The following CRISP2 variants were observed in gnomAD, a reference collection of about 807,000 sequenced individuals.
CRISP2 encodes the protein cysteine-rich secretory protein 2.
In CRISP2, 29 loss-of-function variants were observed where a neutral mutation model predicts 31.7. The ratio of observed to expected loss-of-function variants is 0.92; its 90% CI spans 0.68 to 1.25. The LOEUF is 1.25. Among genes scored for constraint, CRISP2 ranks in the 50% most tolerant of loss-of-function variants. CRISP2 has a pLI of 0.00. For missense variants in CRISP2, 318 were observed against 286.5 expected (o/e 1.11, Z -0.79); for synonymous variants, 111 against 101.4 (o/e 1.09, Z -0.57).
At chr6:49,679,502 A>T in the CRISP2 span, among the ~76,000 whole-genome samples, 470 of 152,270 alleles carry the variant, frequency 3.1e-3, 1 homozygote, top group African/African-American at 0.011. Flanking sequence ...AATTTTATTC[A>T]GCTCACAATA....
At chr6:49,691,098 A>C (rs1561855717), downstream of CRISP2, among the ~76,000 whole-genome samples, 1 of 152,008 alleles carries the variant, frequency 6.6e-6, no homozygotes, top group Non-Finnish European at 1.5e-5. Context: ...TCTTCCACCC[A>C]CAAAGCTAAC....
intron 2 of CRISP2, 75 bp from the exon 3 acceptor site, chr6:49,711,396 T>C (rs1767989051): frequency 6.6e-6 from 1 of 152,218 alleles, no homozygotes; most frequent in Admixed American, 6.5e-5. Flanking sequence ...CAAACTCTGG[T>C]TTTGTTAAAT....
In CRISP2 at chr6:49,709,118, A is replaced by G. The variant is rs1316164377; in HGVS notation, c.66+13T>C. Reference sequence around the variant, plus strand: ...CTGGATAGCTCTGAAAAGATTTTCCATTTTAACCTTACCTTTCCTTCTGCA... The same window carrying G: ...CTGGATAGCTCTGAAAAGATTTTCCGTTTTAACCTTACCTTTCCTTCTGCA... On this transcript the variant is annotated intron_variant, in intron 4 of 9. Coordinates refer to ENST00000339139, the MANE Select transcript of CRISP2 (RefSeq NM_003296.4). The G allele has an allele frequency of 6.2e-7, 1 of 1,612,976 alleles. No individual in the cohort carries two copies. Among genetic ancestry groups the G allele is most frequent in the Admixed American group, 1.7e-5 (1 of 60,002 alleles).
At chr6:49,684,662 A>G in the CRISP2 span, among the ~76,000 whole-genome samples, 1 of 152,210 alleles carries the variant, frequency 6.6e-6, no homozygotes, top group Non-Finnish European at 1.5e-5. Flanking sequence ...TTAATTTGAA[A>G]TAAATCAATA....
chr6:49,691,214 T>C (rs1382264207), downstream of CRISP2, among the ~76,000 whole-genome samples: 1 of 152,068 alleles, frequency 6.6e-6, no homozygotes, highest in Admixed American at 6.6e-5. Flanking sequence ...ATATTCTGTT[T>C]GCTTCTCTCT....
At chr6:49,706,061 A>G (rs778106799) in intron 4 of CRISP2, among the ~76,000 whole-genome samples, 1 of 152,202 alleles carries the variant, frequency 6.6e-6, no homozygotes, top group African/African-American at 2.4e-5. Flanking sequence ...CCTATCTGCC[A>G]TTTCCCCCAG....
Position 49,698,509 on chromosome 6 carries a change from T to G in CRISP2, c.272-2A>C. 6.2e-7 allele frequency: 1 copy of G among 1,602,848 alleles called. No homozygotes were observed. Among genetic ancestry groups the G allele is most frequent in the Non-Finnish European group, 8.5e-7 (1 of 1,176,924 alleles). On this transcript the variant is annotated splice_acceptor_variant, in intron 6 of 9. Transcript: ENST00000339139. LOFTEE classifies it high-confidence loss of function. ...AGAGATTCTCACCACATCTTGTACC[T>G]AAGGGGCAGATCATTCATGAGCAAG...
intron 6 of CRISP2, among the ~76,000 whole-genome samples, 189 bp downstream of exon 6, chr6:49,699,615 T>A (rs116770143): frequency 5.9e-5 from 9 of 152,122 alleles, no homozygotes; most frequent in African/African-American, 2.2e-4. Context: ...TTGCATAATG[T>A]ACACAATAAA....
chr6:49,679,907 T>C, the CRISP2 span, among the ~76,000 whole-genome samples: 2 of 152,070 alleles, frequency 1.3e-5, no homozygotes, highest in African/African-American at 2.4e-5. Flanking sequence ...GTTTTCACGA[T>C]GTTGGTCAGG....
At chr6:49,700,976 A>G (rs1033944414) in intron 4 of CRISP2, among the ~76,000 whole-genome samples, 192 bp from the exon 5 acceptor site, 1 of 152,128 alleles carries the variant, frequency 6.6e-6, no homozygotes, top group Non-Finnish European at 1.5e-5. Flanking sequence ...ACTAAATCTG[A>G]GTTGAAGATA....
intron 8 of CRISP2, among the ~76,000 whole-genome samples, chr6:49,696,173 T>C (rs1375477477): frequency 2.6e-5 from 4 of 152,138 alleles, no homozygotes; most frequent in African/African-American, 9.6e-5. Context: ...GAGTCTGAAA[T>C]TTTGAGAGTA....
intron 8 of CRISP2, among the ~76,000 whole-genome samples, chr6:49,696,201 C>G (rs756957390): frequency 1.3e-5 from 2 of 151,746 alleles, no homozygotes; most frequent in African/African-American, 4.8e-5. Context: ...TGTGGCAACA[C>G]TATCTTTATC....
At chr6:49,702,000 A>C (rs1412227018) in intron 4 of CRISP2, among the ~76,000 whole-genome samples, 1 of 66,782 alleles carries the variant, frequency 1.5e-5, no homozygotes, top group Non-Finnish European at 2.6e-5. Context: ...AATATATTAT[A>C]TTATACATAT....
chr6:49,684,773 G>A, the CRISP2 span, among the ~76,000 whole-genome samples: 3 of 152,050 alleles, frequency 2.0e-5, no homozygotes, highest in Non-Finnish European at 4.4e-5. Flanking sequence ...GTTTTTATAT[G>A]TGGATGTGTT....
rs371703280 is a variant in CRISP2 at position 49,710,238 on chromosome 6, G to T, written c.-9-1033C>A. 3.4e-4 allele frequency among the ~76,000 whole-genome samples: 51 copies of T among 152,228 alleles called. No homozygotes were observed. The East Asian group carries it at 6.0e-3, about 18-fold the overall frequency. On this transcript the variant is annotated intron_variant, in intron 3 of 9. Coordinates refer to ENST00000339139, the MANE Select transcript of CRISP2 (RefSeq NM_003296.4). The stretch of plus-strand genomic sequence containing the variant: ...AATTATGTGCAAAAAAGGGATGAGG[G>T]ATGAACAATTATTGACGGTTCATGG...
In CRISP2 at chr6:49,713,530, C is replaced by T. The variant is rs2127445673; in HGVS notation, c.-206G>A. 2 of 152,378 alleles carry T rather than the reference C, an allele frequency of 1.3e-5. No individual in the cohort carries two copies. Among genetic ancestry groups the T allele is most frequent in the Middle Eastern group, 3.4e-3 (1 of 294 alleles). 9.4% of individuals were successfully genotyped at this position (152,378 alleles called of 1,614,324 possible). ...CTGCAGTTGGGCCGGCGCGTTGCGG[C>T]GTTGAGGAGCTGCGGCGCGCCCCTC... On this transcript the variant is annotated 5_prime_UTR_variant, in exon 1 of 10. Transcript: ENST00000339139.
chr6:49,711,718 A>G (rs1203744979), intron 2 of CRISP2, among the ~76,000 whole-genome samples: 3 of 152,124 alleles, frequency 2.0e-5, no homozygotes, highest in Non-Finnish European at 4.4e-5. Flanking sequence ...TTTACTTTCT[A>G]ATTATCAACT....
chr6:49,688,852 A>C (rs941865360), downstream of CRISP2, among the ~76,000 whole-genome samples: 3 of 151,818 alleles, frequency 2.0e-5, no homozygotes, highest in African/African-American at 4.8e-5. Flanking sequence ...CTAGATTATG[A>C]TTTTCTCTTT....
intron 9 of CRISP2, among the ~76,000 whole-genome samples, chr6:49,694,358 C>T (rs1764379313): frequency 6.6e-6 from 1 of 152,166 alleles, no homozygotes; most frequent in Non-Finnish European, 1.5e-5. Flanking sequence ...TTTTAGTTGA[C>T]CAGTAGTACT....
Sources: allele counts gnomAD v4.1 joint callset (sites outside exome capture counted in the v4.1 genomes callset), GRCh38; gene constraint gnomAD v4.1.1; transcripts MANE v1.5; gene names NCBI Gene and HGNC (gene_info 2026-07-23, HGNC 2026-07-21).